Variants in ANKRD31 observed in about 807,000 individuals in gnomAD.
ANKRD31 encodes the protein ankyrin repeat domain-containing protein 31.
Under a neutral mutation model 186.0 loss-of-function variants are expected in ANKRD31, and 147 were observed. The ratio of observed to expected loss-of-function variants is 0.79; its 90% CI spans 0.69 to 0.91. ANKRD31 has a LOEUF of 0.91. Among genes scored for constraint, ANKRD31 ranks in the 40% least tolerant of loss-of-function variants. The pLI is 0.00. For missense variants in ANKRD31, 1,986 were observed against 2,148.8 expected, an observed-to-expected ratio of 0.92 and a Z score of 1.50; for synonymous variants, 673 against 736.4, an observed-to-expected ratio of 0.91 and a Z score of 1.39.
intron 22 of ANKRD31, among the ~76,000 whole-genome samples, chr5:75,100,621 T>A (rs1347756939): frequency 6.6e-6 from 1 of 152,176 alleles, no homozygotes; most frequent in Non-Finnish European, 1.5e-5. Flanking sequence ...ATTGGGTGCA[T>A]ATATATTTCG....
intron 15 of ANKRD31, among the ~76,000 whole-genome samples, chr5:75,140,156 A>G (rs1355748902): frequency 6.6e-6 from 1 of 151,752 alleles, no homozygotes; most frequent in Non-Finnish European, 1.5e-5. Context: ...CTGAGCCAAG[A>G]CTGCACCACT....
intron 23 of ANKRD31, among the ~76,000 whole-genome samples, chr5:75,088,705 C>T (rs555217278): frequency 6.6e-6 from 1 of 152,296 alleles, no homozygotes; most frequent in East Asian, 1.9e-4. Context: ...AGGTTCTAGT[C>T]CTGGTTCTGG....
At chr5:75,128,589 C>T (rs1232405281) in intron 17 of ANKRD31, among the ~76,000 whole-genome samples, 1 of 151,478 alleles carries the variant, frequency 6.6e-6, no homozygotes, top group Non-Finnish European at 1.5e-5. Context: ...ACTGCAAGCT[C>T]CGCCTCCCAG....
At chr5:75,089,199 A>G (rs1299569129) in intron 23 of ANKRD31, among the ~76,000 whole-genome samples, 1 of 151,994 alleles carries the variant, frequency 6.6e-6, no homozygotes, top group Non-Finnish European at 1.5e-5. Context: ...CCCACAAATC[A>G]CTCGGCCACA....
intron 5 of ANKRD31, among the ~76,000 whole-genome samples, chr5:75,202,619 G>A (rs1359204501): frequency 6.6e-6 from 1 of 152,138 alleles, no homozygotes; most frequent in Non-Finnish European, 1.5e-5. Flanking sequence ...TATTATATTT[G>A]CTTAAGGCAG....
chr5:75,112,365 A>G (rs1235564916), intron 20 of ANKRD31, 148 bp downstream of exon 20: 16 of 492,784 alleles, frequency 3.2e-5, no homozygotes, highest in South Asian at 6.8e-5. Flanking sequence ...TTTTAATGAT[A>G]TTAATAATTC....
At chr5:75,070,358 A>G (rs1352926529) in intron 25 of ANKRD31, among the ~76,000 whole-genome samples, 1 of 152,212 alleles carries the variant, frequency 6.6e-6, no homozygotes, top group African/African-American at 2.4e-5. Flanking sequence ...ATAAGATACT[A>G]TCCCCCACTT....
intron 11 of ANKRD31, among the ~76,000 whole-genome samples, chr5:75,159,307 CA>C (rs1752418881): frequency 6.6e-6 from 1 of 151,956 alleles, no homozygotes; most frequent in Admixed American, 6.6e-5. Flanking sequence ...GAAAAAGCAG[CA>C]GAGAAAAATA....
chr5:75,235,768 G>C (rs2150329863), intron 1 of ANKRD31, among the ~76,000 whole-genome samples: 1 of 152,294 alleles, frequency 6.6e-6, no homozygotes, highest in Middle Eastern at 3.4e-3. Flanking sequence ...GAAAAGTGTG[G>C]ACAGAATCCC....
intron 12 of ANKRD31, among the ~76,000 whole-genome samples, chr5:75,151,918 A>T (rs1227028214): frequency 2.6e-5 from 4 of 151,978 alleles, no homozygotes; most frequent in Admixed American, 2.6e-4. Flanking sequence ...TTTCTTATTC[A>T]TCTTGTATTA....
chr5:75,196,640 T>C (rs182975303), intron 6 of ANKRD31, among the ~76,000 whole-genome samples: 62 of 152,222 alleles, frequency 4.1e-4, no homozygotes, highest in Non-Finnish European at 5.3e-4. Flanking sequence ...TTCTTTTTGT[T>C]CCCCCACCTT....
At chr5:75,077,172 G>A (rs532762936) in intron 25 of ANKRD31, among the ~76,000 whole-genome samples, 39 of 152,176 alleles carry the variant, frequency 2.6e-4, no homozygotes, top group Non-Finnish European at 4.3e-4. Context: ...GGGCTCAAGC[G>A]ATTCTCCTGC....
chr5:75,220,893 AG>A lies in ANKRD31; in HGVS notation c.288+1355del, dbSNP rs1757257573. On this transcript the variant is annotated intron_variant, in intron 3 of 25. Coordinates refer to ENST00000506364, the MANE Select transcript of ANKRD31 (RefSeq NM_001372053.1). ...AGTGGGCAGATCCCTTGCAGTCAGG[AG>A]TTTGAGACCAGCCTGGCCAACATGG... Among the ~76,000 whole-genome samples the A allele has an allele frequency of 2.0e-5, 3 of 152,220 alleles. No individual in the cohort carries two copies. The South Asian group carries it at 6.2e-4, about 32-fold the overall frequency.
chr5:75,220,608 C>T lies in ANKRD31; in HGVS notation c.288+1641G>A, dbSNP rs147467659. ...AGTGAGCTGTGATCATGTCATTGCA[C>T]GCCAGACTGGACAACAAGAGCAAAA... On this transcript the variant is annotated intron_variant, in intron 3 of 25. Transcript: ENST00000506364. Among the ~76,000 whole-genome samples, 140 of 149,536 alleles carry T rather than the reference C, an allele frequency of 9.4e-4. 2 individuals carry two copies. The East Asian group carries it at 0.023, about 24-fold the overall frequency.
rs548239290 is a variant in ANKRD31, at chr5:75,140,646, T to C, written c.3596-1663A>G. Reference sequence around the variant, plus strand: ...ATTTAACTGATTAAGTTAAAAGAGATTGTAACATTTTCTGTCCTGCTAGCA... The same window carrying C: ...ATTTAACTGATTAAGTTAAAAGAGACTGTAACATTTTCTGTCCTGCTAGCA... On this transcript the variant is annotated intron_variant, in intron 15 of 25. Transcript: ENST00000506364. Among the ~76,000 whole-genome samples the C allele has an allele frequency of 3.3e-5, 5 of 152,270 alleles. No homozygotes were observed. In the East Asian group the frequency reaches 9.7e-4, roughly 29 times the overall value.
intron 10 of ANKRD31, among the ~76,000 whole-genome samples, chr5:75,177,092 G>A (rs2150208210): frequency 6.6e-6 from 1 of 152,318 alleles, no homozygotes; most frequent in Non-Finnish European, 1.5e-5. Context: ...AAATGCACAA[G>A]CCTCAGTAAT....
intron 9 of ANKRD31, among the ~76,000 whole-genome samples, chr5:75,189,898 G>A (rs1016396068): frequency 6.6e-5 from 10 of 152,202 alleles, no homozygotes; most frequent in East Asian, 1.9e-4. Context: ...GAATTACAGC[G>A]ATTGGTCTTC....
At chr5:75,117,512 T>C (rs1246201423) in intron 18 of ANKRD31, among the ~76,000 whole-genome samples, 2 of 152,146 alleles carry the variant, frequency 1.3e-5, no homozygotes, top group Non-Finnish European at 2.9e-5. Flanking sequence ...AATCAACAGT[T>C]GGTAAGGATG....
At chr5:75,189,317 G>C (rs1754945246) in intron 9 of ANKRD31, among the ~76,000 whole-genome samples, 1 of 152,132 alleles carries the variant, frequency 6.6e-6, no homozygotes, top group African/African-American at 2.4e-5. Flanking sequence ...TCATTTACAT[G>C]TTTCAAATCC....
Sources: allele counts gnomAD v4.1 joint callset (sites outside exome capture counted in the v4.1 genomes callset), GRCh38; gene constraint gnomAD v4.1.1; transcripts MANE v1.5; gene names NCBI Gene and HGNC (gene_info 2026-07-23, HGNC 2026-07-21).